Variants in MIPOL1 observed in about 807,000 individuals in gnomAD.
The protein encoded by MIPOL1 is mirror-image polydactyly gene 1 protein.
A neutral mutation model predicts 60.9 loss-of-function variants in MIPOL1; 57 were observed. The ratio of observed to expected loss-of-function variants is 0.94; its 90% CI spans 0.76 to 1.17. The LOEUF is 1.17. MIPOL1 is among the 50% of genes most tolerant of loss of function. The probability of loss-of-function intolerance (pLI) is 0.00; values close to 1 mark genes in which losing one functional copy is unlikely to be tolerated. For missense variants in MIPOL1, 551 were observed against 511.6 expected, an observed-to-expected ratio of 1.08 and a Z score of -0.74; for synonymous variants, 179 against 168.8, an observed-to-expected ratio of 1.06 and a Z score of -0.47.
chr14:37,403,247 A>G (rs1389807567), intron 10 of MIPOL1, among the ~76,000 whole-genome samples: 1 of 152,090 alleles, frequency 6.6e-6, no homozygotes, highest in South Asian at 2.1e-4. Flanking sequence ...ATATCAGAGG[A>G]TTCCCTGTAA....
At chr14:37,534,907 A>G (rs1171475567) in intron 12 of MIPOL1, among the ~76,000 whole-genome samples, 1 of 152,186 alleles carries the variant, frequency 6.6e-6, no homozygotes, top group Non-Finnish European at 1.5e-5. Context: ...TACCAAAGGT[A>G]GTATTTTAAT....
intron 11 of MIPOL1, among the ~76,000 whole-genome samples, chr14:37,454,964 A>G (rs1594431611): frequency 6.6e-6 from 1 of 152,290 alleles, no homozygotes; most frequent in East Asian, 1.9e-4. Flanking sequence ...TAATTATCAT[A>G]TGTCTTTTCC....
At chr14:37,231,548 T>C (rs1970629170) in intron 1 of MIPOL1, among the ~76,000 whole-genome samples, 1 of 152,208 alleles carries the variant, frequency 6.6e-6, no homozygotes. Flanking sequence ...TAGATACTTC[T>C]GCATTTACCA....
At chr14:37,436,725 A>G (rs2094168916) in intron 11 of MIPOL1, among the ~76,000 whole-genome samples, 1 of 152,230 alleles carries the variant, frequency 6.6e-6, no homozygotes, top group African/African-American at 2.4e-5. Context: ...GTACAGTCAG[A>G]TATCCGGGAC....
chr14:37,212,346 T>G (rs1261476414), intron 1 of MIPOL1: 8 of 152,260 alleles, frequency 5.3e-5, no homozygotes, highest in African/African-American at 1.9e-4. Flanking sequence ...AGGAGACCAC[T>G]TCCCTTAAGG....
chr14:37,460,441 C>G (rs942052782), intron 11 of MIPOL1, among the ~76,000 whole-genome samples: 6 of 152,016 alleles, frequency 3.9e-5, no homozygotes, highest in African/African-American at 9.7e-5. Flanking sequence ...AGCATTTCCC[C>G]TAAGAACCAG....
intron 12 of MIPOL1, among the ~76,000 whole-genome samples, chr14:37,540,931 G>A (rs1261396169): frequency 1.3e-5 from 2 of 152,020 alleles, no homozygotes; most frequent in Non-Finnish European, 2.9e-5. Flanking sequence ...TATCCCTCTT[G>A]TTCAGTAATT....
At chr14:37,233,469 A>G (rs192373415) in intron 1 of MIPOL1, among the ~76,000 whole-genome samples, 1 of 152,340 alleles carries the variant, frequency 6.6e-6, no homozygotes, top group African/African-American at 2.4e-5. Flanking sequence ...AGTTCAGGAC[A>G]CTTTTGTTGG....
chr14:37,485,806 C>A (rs1400477429), intron 11 of MIPOL1, among the ~76,000 whole-genome samples: 1 of 152,082 alleles, frequency 6.6e-6, no homozygotes, highest in African/African-American at 2.4e-5. Context: ...ATGATAGTTT[C>A]TTTTGCTGTA....
At chr14:37,294,252 A>T (rs1208320709) in intron 7 of MIPOL1, among the ~76,000 whole-genome samples, 2 of 152,158 alleles carry the variant, frequency 1.3e-5, no homozygotes, top group African/African-American at 2.4e-5. Flanking sequence ...CAGGGTCCTG[A>T]CTGTTAGAAG....
chr14:37,494,396 A>T (rs2095088037), intron 11 of MIPOL1, among the ~76,000 whole-genome samples: 1 of 152,208 alleles, frequency 6.6e-6, no homozygotes, highest in Non-Finnish European at 1.5e-5. Flanking sequence ...TGTATCTAAG[A>T]AAGTGATATT....
chr14:37,497,601 C>T (rs1215550984), intron 11 of MIPOL1, among the ~76,000 whole-genome samples: 1 of 152,124 alleles, frequency 6.6e-6, no homozygotes, highest in Non-Finnish European at 1.5e-5. Context: ...AGCTACTCAG[C>T]AGGCTGAGGC....
chr14:37,440,720 G>T (rs903214633), intron 11 of MIPOL1, among the ~76,000 whole-genome samples: 1 of 152,172 alleles, frequency 6.6e-6, no homozygotes, highest in Non-Finnish European at 1.5e-5. Context: ...ATTGTGGATT[G>T]TGCTGTGATA....
At chr14:37,212,061 C>T (rs1007196715) in intron 1 of MIPOL1, among the ~76,000 whole-genome samples, 9 of 152,130 alleles carry the variant, frequency 5.9e-5, no homozygotes, top group African/African-American at 2.2e-4. Context: ...GCATAATCAA[C>T]AGTGATACCC....
chr14:37,267,690 C>T (rs1280417098), intron 4 of MIPOL1, among the ~76,000 whole-genome samples: 1 of 152,216 alleles, frequency 6.6e-6, no homozygotes, highest in South Asian at 2.1e-4. Flanking sequence ...CAAAGTGCAT[C>T]TGAAGAAAGA....
chr14:37,356,381 A>T (rs1287107432), intron 9 of MIPOL1, among the ~76,000 whole-genome samples: 1 of 152,068 alleles, frequency 6.6e-6, no homozygotes, highest in Non-Finnish European at 1.5e-5. Context: ...CCCTGCCCCC[A>T]GAGGTGAAGC....
At chr14:37,356,578 C>G (rs904972840) in intron 9 of MIPOL1, among the ~76,000 whole-genome samples, 2 of 152,190 alleles carry the variant, frequency 1.3e-5, no homozygotes, top group Non-Finnish European at 2.9e-5. Flanking sequence ...GTGTAGGACC[C>G]TCCGAGCCAG....
rs1970547423 is a variant in MIPOL1 at position 37,231,022 on chromosome 14, GT to G, written c.-198-16076del. Among the ~76,000 whole-genome samples, 8 of 152,190 alleles carry G rather than the reference GT, an allele frequency of 5.3e-5. No homozygotes were observed. The South Asian group carries it at 1.7e-3, about 32-fold the overall frequency. ...TACAGTTGATTGGTGGAGTTAGTGA[GT>G]TTTTATTGGTCTGTCCTTACACTTT... On this transcript the variant is annotated intron_variant, in intron 1 of 12. Transcript: ENST00000684589.
intron 12 of MIPOL1, among the ~76,000 whole-genome samples, chr14:37,535,111 T>A (rs1285183583): frequency 6.6e-6 from 1 of 152,176 alleles, no homozygotes; most frequent in Non-Finnish European, 1.5e-5. Flanking sequence ...GTTTCACATA[T>A]TTTAATTTTT....
Sources: allele counts gnomAD v4.1 joint callset (sites outside exome capture counted in the v4.1 genomes callset), GRCh38; gene constraint gnomAD v4.1.1; transcripts MANE v1.5; gene names NCBI Gene and HGNC (gene_info 2026-07-23, HGNC 2026-07-21).